Variants in TBC1D30 observed in about 807,000 individuals in gnomAD.
TBC1D30 encodes TBC1 domain family member 30, also known as TBC1 domain family, member 30.
TBC1D30 carries 31 observed loss-of-function variants against 63.2 expected under a neutral mutation model. The ratio of observed to expected loss-of-function variants is 0.49; its 90% CI spans 0.37 to 0.66. The LOEUF is 0.66. TBC1D30 is among the 30% of genes least tolerant of loss of function. The pLI, the probability that TBC1D30 is intolerant of heterozygous loss-of-function variation, is 0.00. For missense variants in TBC1D30, 810 were observed against 953.6 expected (o/e 0.85, Z 1.98); for synonymous variants, 307 against 361.5 (o/e 0.85, Z 1.71).
intron 8 of TBC1D30, among the ~76,000 whole-genome samples, chr12:64,855,093 G>GT (rs143540688): frequency 6.6e-6 from 1 of 151,418 alleles, no homozygotes. Flanking sequence ...TAGGGTAGAA[G>GT]TTTTTTTTTC....
chr12:64,867,438 CA>C (rs1237768991), intron 10 of TBC1D30, among the ~76,000 whole-genome samples: 1 of 146,764 alleles, frequency 6.8e-6, no homozygotes, highest in Non-Finnish European at 1.5e-5. Flanking sequence ...CCAGTCTGGG[CA>C]ACAGAACAAG....
intron 1 of TBC1D30, among the ~76,000 whole-genome samples, chr12:64,767,367 A>G (rs989418592): frequency 1.3e-5 from 2 of 152,144 alleles, no homozygotes; most frequent in African/African-American, 4.8e-5. Context: ...ATGGGAAATG[A>G]TCATAGCCTA....
Position 64,875,912 on chromosome 12 carries a change from C to G in TBC1D30, c.*124C>G, listed in dbSNP as rs1227648396. ...GAATAGGTTCAGGGATGAGCAACAG[C>G]CCATAAAAAATGGGAACTGGAAGTT... On this transcript the variant is annotated 3_prime_UTR_variant, in exon 12 of 12. Coordinates refer to ENST00000539867, the MANE Select transcript of TBC1D30 (RefSeq NM_015279.2). 9.7e-7 allele frequency: 1 copy of G among 1,030,264 alleles called. No individual in the cohort carries two copies. Among genetic ancestry groups the G allele is most frequent in the Non-Finnish European group, 1.3e-6 (1 of 746,018 alleles). 63.8% of individuals were successfully genotyped at this position (1,030,264 alleles called of 1,614,324 possible).
chr12:64,830,310 A>G (rs961085527), intron 3 of TBC1D30, 67 bp from the exon 4 acceptor site: 4 of 1,422,118 alleles, frequency 2.8e-6, no homozygotes, highest in South Asian at 2.9e-5. Flanking sequence ...TGCAATAACT[A>G]CTTTCTAATA....
At chr12:64,770,366 T>C (rs1044574011) in intron 1 of TBC1D30, among the ~76,000 whole-genome samples, 14 of 152,270 alleles carry the variant, frequency 9.2e-5, no homozygotes, top group African/African-American at 3.1e-4. Context: ...AAAATTAAGA[T>C]TTGTGCAAAT....
At chr12:64,820,445 C>T (rs141684268), upstream of TBC1D30, among the ~76,000 whole-genome samples, 27 of 152,288 alleles carry the variant, frequency 1.8e-4, no homozygotes, top group East Asian at 2.7e-3. Context: ...CTGTGACATT[C>T]GGGGCATTTC....
chr12:64,807,747 A>G lies in TBC1D30; in HGVS notation c.644-20088A>G, dbSNP rs187155854. Among the ~76,000 whole-genome samples the G allele has an allele frequency of 4.1e-3, 616 of 151,924 alleles. 3 individuals carry two copies. Among genetic ancestry groups the G allele is most frequent in the African/African-American group, 0.014 (586 of 41,406 alleles). ...AAAATTTTACCAATTAAAAAATTTA[A>G]TTTTTTAAATTTTTTAGAGACAGGG... On this transcript the variant is annotated intron_variant, in intron 2 of 12. Transcript: ENST00000542120.
At chr12:64,794,574 G>A (rs1872138823) in intron 2 of TBC1D30, among the ~76,000 whole-genome samples, 1 of 151,980 alleles carries the variant, frequency 6.6e-6, no homozygotes, top group African/African-American at 2.4e-5. Flanking sequence ...GAGTAGCTGG[G>A]AGGTGCACAC....
chr12:64,849,547 C>T (rs191399872), intron 8 of TBC1D30, among the ~76,000 whole-genome samples: 17 of 152,124 alleles, frequency 1.1e-4, no homozygotes, highest in African/African-American at 3.1e-4. Flanking sequence ...CCCCATTGCT[C>T]GTTTGTGTCA....
intron 1 of TBC1D30, among the ~76,000 whole-genome samples, chr12:64,769,493 C>T (rs186687538): frequency 2.0e-4 from 30 of 151,910 alleles, no homozygotes; most frequent in Admixed American, 7.9e-4. Context: ...TTCTCTGCCT[C>T]TGCCTCCCAA....
intron 6 of TBC1D30, among the ~76,000 whole-genome samples, chr12:64,837,753 C>T (rs1565668530): frequency 6.6e-6 from 1 of 152,158 alleles, no homozygotes; most frequent in Non-Finnish European, 1.5e-5. Context: ...TGCAGTATAA[C>T]TGTGTAGATT....
At chr12:64,809,261 C>A in intron 2 of TBC1D30, among the ~76,000 whole-genome samples, 1 of 147,518 alleles carries the variant, frequency 6.8e-6, no homozygotes. Flanking sequence ...TCCCATTCTT[C>A]CCCCCAAGTC....
At chr12:64,819,867 C>A (rs544359690), upstream of TBC1D30, among the ~76,000 whole-genome samples, 1 of 152,246 alleles carries the variant, frequency 6.6e-6, no homozygotes, top group African/African-American at 2.4e-5. Context: ...TGCCACCAGA[C>A]CTCCATTCTT....
chr12:64,835,668 C>G (rs758496595), intron 5 of TBC1D30, among the ~76,000 whole-genome samples: 1 of 152,090 alleles, frequency 6.6e-6, no homozygotes, highest in Non-Finnish European at 1.5e-5. Context: ...TGATTCAATA[C>G]TATTATAACT....
intron 8 of TBC1D30, among the ~76,000 whole-genome samples, chr12:64,847,795 T>C (rs564933671): frequency 7.9e-5 from 12 of 152,268 alleles, no homozygotes; most frequent in African/African-American, 2.9e-4. Flanking sequence ...TTTTGTGACC[T>C]AACATATGAT....
intron 11 of TBC1D30, among the ~76,000 whole-genome samples, chr12:64,872,231 T>C (rs1878712142): frequency 6.6e-6 from 1 of 152,192 alleles, no homozygotes; most frequent in Admixed American, 6.5e-5. Flanking sequence ...TTTCACCATG[T>C]TGGCCAGGCT....
chr12:64,838,848 G>A lies in TBC1D30; in HGVS notation c.929G>A (p.Gly310Glu). The stretch of plus-strand genomic sequence containing the variant: ...TCGCTGGCTATCTGGGCAAAATTAG[G>A]AGAGTAAGTGATTTCCACCTTCTGC... ...RVSLAIWAKLGEQIECCETAD... is the reference protein window; with the variant it reads ...RVSLAIWAKLEEQIECCETAD... Residue 310 changes from glycine to glutamate, a missense_variant, in exon 7 of 12, where the codon GGA becomes GAA. Physicochemically the swap from Gly to Glu is moderately conservative, Grantham distance 98. This residue lies in a region of TBC1D30 where 83 missense variants were observed against 121.5 expected (regional missense o/e 0.68). Coordinates refer to ENST00000539867, the MANE Select transcript of TBC1D30 (RefSeq NM_015279.2). 1 of 1,536,008 alleles carries A rather than the reference G, an allele frequency of 6.5e-7. No homozygotes were observed. Among genetic ancestry groups the A allele is most frequent in the Non-Finnish European group, 8.7e-7 (1 of 1,146,844 alleles).
At chr12:64,842,868 A>C (rs1876002781) in intron 7 of TBC1D30, among the ~76,000 whole-genome samples, 1 of 152,208 alleles carries the variant, frequency 6.6e-6, no homozygotes, top group Non-Finnish European at 1.5e-5. Context: ...CCAAGTAGGA[A>C]TGACAGGACT....
intron 2 of TBC1D30, among the ~76,000 whole-genome samples, chr12:64,815,245 G>T (rs185507898): frequency 1.3e-5 from 2 of 152,210 alleles, no homozygotes; most frequent in Non-Finnish European, 2.9e-5. Context: ...CTTTACACAG[G>T]TCTTAATTTT....
Sources: allele counts gnomAD v4.1 joint callset (sites outside exome capture counted in the v4.1 genomes callset), GRCh38; gene constraint gnomAD v4.1.1; regional missense constraint gnomAD v4.1.1; transcripts MANE v1.5; gene names NCBI Gene and HGNC (gene_info 2026-07-23, HGNC 2026-07-21).